The following HTR1F variants were observed in gnomAD, a reference collection of about 807,000 sequenced individuals.
The protein encoded by HTR1F is 5-hydroxytryptamine receptor 1F, also known as 5-hydroxytryptamine (serotonin) receptor 1F, G protein-coupled.
In HTR1F, 17 loss-of-function variants were observed where a neutral mutation model predicts 24.0. The observed-to-expected ratio is 0.71, with a 90% CI of 0.48 to 1.06. The LOEUF is 1.06. Ranked by LOEUF, HTR1F falls within the 50% of genes least tolerant of loss-of-function variation. HTR1F has a pLI of 0.00. For synonymous variants in HTR1F, 186 were observed against 156.8 expected (o/e 1.19, Z -1.39); for missense variants, 391 against 427.8 (o/e 0.91, Z 0.76).
intron 2 of HTR1F, among the ~76,000 whole-genome samples, chr3:87,957,988 T>C (rs999363939): frequency 2.6e-5 from 4 of 151,344 alleles, no homozygotes; most frequent in Admixed American, 2.0e-4. Flanking sequence ...GATAAAACCA[T>C]AGGTCACTGA....
chr3:87,883,247 A>G (rs1705850796), intron 2 of HTR1F, among the ~76,000 whole-genome samples: 1 of 152,222 alleles, frequency 6.6e-6, no homozygotes, highest in South Asian at 2.1e-4. Flanking sequence ...TTGAAAGGAA[A>G]ACTAACAAAC....
chr3:87,904,276 G>C (rs1367720153), intron 2 of HTR1F, among the ~76,000 whole-genome samples: 1 of 152,114 alleles, frequency 6.6e-6, no homozygotes, highest in Non-Finnish European at 1.5e-5. Context: ...GCTGACGAGA[G>C]TGTAAAAAGG....
At chr3:87,905,471 T>A (rs571598753) in intron 2 of HTR1F, among the ~76,000 whole-genome samples, 4 of 152,146 alleles carry the variant, frequency 2.6e-5, no homozygotes, top group Non-Finnish European at 4.4e-5. Flanking sequence ...CATTTTCTTT[T>A]TCCTCATGAG....
At chr3:87,966,739 G>T (rs1705171006) in intron 2 of HTR1F, among the ~76,000 whole-genome samples, 1 of 151,964 alleles carries the variant, frequency 6.6e-6, no homozygotes, top group Admixed American at 6.6e-5. Flanking sequence ...CTTTGTCAGG[G>T]CGTGGAAAAT....
chr3:87,801,255 C>A (rs1452350410), intron 1 of HTR1F, among the ~76,000 whole-genome samples: 3 of 152,186 alleles, frequency 2.0e-5, no homozygotes, highest in Admixed American at 2.0e-4. Context: ...TAGCTTCAGT[C>A]TTTCCTTTCT....
intron 2 of HTR1F, among the ~76,000 whole-genome samples, chr3:87,858,732 AAGTGTGATACCTTTACT>A (rs1705254020): frequency 6.6e-6 from 1 of 152,116 alleles, no homozygotes; most frequent in South Asian, 2.1e-4. Flanking sequence ...GCCTAAAAGC[AAGTGTGATACCTTTACT>A]AAGAATGATA....
intron 2 of HTR1F, among the ~76,000 whole-genome samples, chr3:87,915,807 C>A (rs1444714057): frequency 4.6e-5 from 7 of 152,114 alleles, no homozygotes; most frequent in Non-Finnish European, 1.0e-4. Context: ...AGGAAAACTT[C>A]CCCAGCCATG....
chr3:87,809,333 G>A (rs1022776904), intron 1 of HTR1F, among the ~76,000 whole-genome samples: 2 of 151,830 alleles, frequency 1.3e-5, no homozygotes, highest in African/African-American at 4.8e-5. Context: ...ACCAAATAGT[G>A]TATCATTCAA....
intron 1 of HTR1F, among the ~76,000 whole-genome samples, chr3:87,805,751 G>A (rs76744415): frequency 1.3e-5 from 2 of 151,836 alleles, no homozygotes; most frequent in East Asian, 1.9e-4. Context: ...TACGGCACAC[G>A]TTTACCCGTG....
chr3:87,856,208 T>C (rs1705194552), intron 2 of HTR1F, among the ~76,000 whole-genome samples: 1 of 151,996 alleles, frequency 6.6e-6, no homozygotes, highest in Admixed American at 6.6e-5. Flanking sequence ...TTATTATAGA[T>C]ATTTATTTAT....
intron 2 of HTR1F, among the ~76,000 whole-genome samples, chr3:87,864,026 G>A (rs1705370677): frequency 6.6e-6 from 1 of 152,032 alleles, no homozygotes; most frequent in Non-Finnish European, 1.5e-5. Flanking sequence ...AGCTAACAAT[G>A]GCTAGTCTAG....
chr3:87,919,287 A>G (rs1373548535), intron 2 of HTR1F, among the ~76,000 whole-genome samples: 1 of 151,898 alleles, frequency 6.6e-6, no homozygotes, highest in African/African-American at 2.4e-5. Context: ...ATAACACTGG[A>G]AAACCCCTTC....
intron 2 of HTR1F, among the ~76,000 whole-genome samples, chr3:87,900,056 A>C (rs1200561130): frequency 6.6e-6 from 1 of 152,066 alleles, no homozygotes; most frequent in Non-Finnish European, 1.5e-5. Context: ...AAAGAAAAGG[A>C]AGTAAGGAGG....
chr3:87,904,271 C>T (rs140983607), intron 2 of HTR1F, among the ~76,000 whole-genome samples: 5 of 152,134 alleles, frequency 3.3e-5, no homozygotes, highest in Non-Finnish European at 5.9e-5. Flanking sequence ...ACTTTGCTGA[C>T]GAGAGTGTAA....
At position 87,885,633 on chromosome 3, in the gene HTR1F, C is replaced by T. The variant is rs562456858; in HGVS notation, c.-43+63509C>T. On this transcript the variant is annotated intron_variant, in intron 2 of 2. Coordinates refer to ENST00000319595, the MANE Select transcript of HTR1F (RefSeq NM_001322209.2). Reference sequence around the variant, plus strand: ...AGAAAAGAGAGAAGAATCAAATAGACGCAATAAAAAATGATAAAGGGGATA... The same window carrying T: ...AGAAAAGAGAGAAGAATCAAATAGATGCAATAAAAAATGATAAAGGGGATA... 1.7e-3 allele frequency among the ~76,000 whole-genome samples: 255 copies of T among 151,760 alleles called. 1 individual carries two copies. The highest frequency in any genetic ancestry group is 5.2e-3 in the African/African-American group (214 of 41,328).
chr3:87,849,105 T>C (rs1276193856), intron 2 of HTR1F, among the ~76,000 whole-genome samples: 21 of 151,482 alleles, frequency 1.4e-4, no homozygotes, highest in Admixed American at 7.2e-4. Flanking sequence ...TGGAAAAAAC[T>C]ACTTTAAAGT....
intron 2 of HTR1F, among the ~76,000 whole-genome samples, chr3:87,862,185 A>G (rs1016813755): frequency 6.6e-6 from 1 of 152,114 alleles, no homozygotes; most frequent in Non-Finnish European, 1.5e-5. Context: ...TGAAGTGCAA[A>G]TGTACTGGTT....
intron 2 of HTR1F, among the ~76,000 whole-genome samples, chr3:87,924,115 T>G (rs1238641047): frequency 6.6e-6 from 1 of 152,052 alleles, no homozygotes; most frequent in East Asian, 1.9e-4. Flanking sequence ...AATAAAGCCA[T>G]TTGGTCCTGG....
chr3:87,808,441 A>G (rs1298539189), intron 1 of HTR1F, among the ~76,000 whole-genome samples: 2 of 151,238 alleles, frequency 1.3e-5, no homozygotes, highest in Non-Finnish European at 3.0e-5. Flanking sequence ...TCCTTTGTGT[A>G]TCTGTGATAT....
Sources: allele counts gnomAD v4.1 joint callset (sites outside exome capture counted in the v4.1 genomes callset), GRCh38; gene constraint gnomAD v4.1.1; transcripts MANE v1.5; gene names NCBI Gene and HGNC (gene_info 2026-07-23, HGNC 2026-07-21).